Variants in SPAG6 observed in about 807,000 individuals in gnomAD.
SPAG6 encodes sperm-associated antigen 6.
Under a neutral mutation model 58.5 loss-of-function variants are expected in SPAG6, and 49 were observed. The observed-to-expected ratio is 0.84, with a 90% CI of 0.67 to 1.06. The LOEUF (loss-of-function observed/expected upper bound fraction) is 1.06, where lower values mean the gene tolerates loss of function less well. SPAG6 is among the 50% of genes least tolerant of loss of function. The probability of loss-of-function intolerance (pLI) is 0.00; values close to 1 mark genes in which losing one functional copy is unlikely to be tolerated. For synonymous variants in SPAG6, 233 were observed against 225.6 expected (o/e 1.03, Z -0.29); for missense variants, 560 against 611.3 (o/e 0.92, Z 0.89).
At chr10:22,364,765 A>T in intron 2 of SPAG6, 88 bp from the exon 3 acceptor site, 2 of 915,110 alleles carry the variant, frequency 2.2e-6, no homozygotes, top group Non-Finnish European at 3.2e-6. Flanking sequence ...TTTTCCCTTT[A>T]ATTTTACTGT....
rs756384728 is a variant in SPAG6, at chr10:22,401,266, C to T, written c.1303C>T (p.Gln435Ter). Residue 435 changes from glutamine (Q) to a stop codon, truncating the protein, a stop_gained, in exon 9 of 11, where the codon CAG (glutamine) becomes TAG (stop). Coordinates refer to ENST00000376624, the MANE Select transcript of SPAG6 (RefSeq NM_012443.4). LOFTEE classifies it high-confidence loss of function. ...CAATATTCTGAAACATGTGGTTGGACAGTTCAGTAAGGTAAGAAATGCCAG... is the reference window on the plus strand; with the variant it reads ...CAATATTCTGAAACATGTGGTTGGATAGTTCAGTAAGGTAAGAAATGCCAG... ...PPNILKHVVG[Q>*]FSKVLPHDSK... 6.6e-7 allele frequency: 1 copy of T among 1,522,008 alleles called. No individual in the cohort carries two copies. Among genetic ancestry groups the T allele is most frequent in the Non-Finnish European group, 9.1e-7 (1 of 1,096,590 alleles). The allele number at this position is 1,522,008 out of a possible 1,614,324, so 94.3% of individuals were successfully genotyped here.
At position 22,402,133 on chromosome 10, in the gene SPAG6, T is replaced by C. The variant is rs933584978; in HGVS notation, c.1314+856T>C. On this transcript the variant is annotated intron_variant, in intron 9 of 10. Transcript: ENST00000376624. ...GTAAATAATTAGAGTACTTATTTCA[T>C]AGGGTCATTGTAAAGAGTAAATGAG... 1.6e-4 allele frequency among the ~76,000 whole-genome samples: 25 copies of C among 152,304 alleles called. No homozygotes were observed. In the South Asian group the frequency reaches 4.1e-3, roughly 25 times the overall value.
At chr10:22,350,649 AACTAATT>A (rs772207080) in intron 2 of SPAG6, among the ~76,000 whole-genome samples, 199 of 152,300 alleles carry the variant, frequency 1.3e-3, no homozygotes, top group Middle Eastern at 3.4e-3. Flanking sequence ...TTATTTGACT[AACTAATT>A]TCTACTCAGT....
At chr10:22,346,442 CT>C (rs1836537609) in intron 2 of SPAG6, among the ~76,000 whole-genome samples, 1 of 132,304 alleles carries the variant, frequency 7.6e-6, no homozygotes, top group Non-Finnish European at 1.5e-5. Context: ...TCTTCTTCTT[CT>C]TCTTCTTCTT....
intron 4 of SPAG6, among the ~76,000 whole-genome samples, chr10:22,379,952 G>A (rs1833911174): frequency 6.6e-6 from 1 of 151,712 alleles, no homozygotes; most frequent in African/African-American, 2.4e-5. Flanking sequence ...GTGCCACCAT[G>A]TCCAGCTAAG....
chr10:22,367,948 G>A (rs564987249), intron 3 of SPAG6, among the ~76,000 whole-genome samples: 1 of 152,164 alleles, frequency 6.6e-6, no homozygotes, highest in South Asian at 2.1e-4. Flanking sequence ...TGAATGTTTT[G>A]CCTTTATGTT....
intron 2 of SPAG6, among the ~76,000 whole-genome samples, chr10:22,353,999 A>C (rs1836800009): frequency 1.3e-5 from 2 of 152,214 alleles, no homozygotes; most frequent in Non-Finnish European, 2.9e-5. Context: ...TAATAGGGCA[A>C]GGAGAGGAGA....
chr10:22,393,626 A>G (rs1024772155), intron 8 of SPAG6, among the ~76,000 whole-genome samples: 3 of 152,204 alleles, frequency 2.0e-5, no homozygotes, highest in Non-Finnish European at 4.4e-5. Context: ...CTTTCAGGAA[A>G]TACACTGAGT....
rs1003489428 is a variant in SPAG6, at chr10:22,364,852, G to T, written c.122-1G>T. ...TTCTGTTCTTTCATAATTTAACTCA[G>T]GTGTAATGTCTTTGCTGAGAACTCT... is the stretch of plus-strand genomic sequence containing the variant. On this transcript the variant is annotated splice_acceptor_variant, in intron 2 of 10. Transcript: ENST00000376624. LOFTEE classifies it high-confidence loss of function. 3 of 1,597,678 alleles carry T rather than the reference G, an allele frequency of 1.9e-6. No homozygotes were observed. Among genetic ancestry groups the T allele is most frequent in the African/African-American group, 2.7e-5 (2 of 73,952 alleles).
chr10:22,383,626 A>G (rs1336500346), intron 4 of SPAG6, among the ~76,000 whole-genome samples: 1 of 152,064 alleles, frequency 6.6e-6, no homozygotes, highest in Admixed American at 6.6e-5. Context: ...CAACAGAGCA[A>G]GACTCCATCT....
intron 4 of SPAG6, among the ~76,000 whole-genome samples, chr10:22,375,504 G>T (rs1833795487): frequency 6.6e-6 from 1 of 151,676 alleles, no homozygotes; most frequent in African/African-American, 2.4e-5. Flanking sequence ...TTGGAGCTTG[G>T]TTTGCTCTTA....
rs780728565 is a variant in SPAG6 at position 22,364,908 on chromosome 10, G to A, written c.177G>A (p.Gln59=). 1.9e-6 allele frequency: 3 copies of A among 1,613,550 alleles called. No homozygotes were observed. Among genetic ancestry groups the A allele is most frequent in the Admixed American group, 3.3e-5 (2 of 59,910 alleles). ...TGGACGTGGTCCCAACAATTCAACA[G>A]ACTGCTGCTTTGGCTCTTGGGAGAC... The part of the protein sequence containing the change: ...LLLDVVPTIQ[Q]TAALALGRLA... Residue 59 remains glutamine, a synonymous_variant, in exon 3 of 11, where the codon CAG becomes CAA. Coordinates refer to ENST00000376624, the MANE Select transcript of SPAG6 (RefSeq NM_012443.4).
At chr10:22,409,048 C>T (rs1398434473) in intron 9 of SPAG6, among the ~76,000 whole-genome samples, 1 of 152,202 alleles carries the variant, frequency 6.6e-6, no homozygotes, top group Non-Finnish European at 1.5e-5. Flanking sequence ...TGAGATGAAC[C>T]TGGTACCTCA....
chr10:22,410,232 A>G (rs539867817), intron 9 of SPAG6, among the ~76,000 whole-genome samples: 2 of 152,312 alleles, frequency 1.3e-5, no homozygotes, highest in South Asian at 4.1e-4. Flanking sequence ...TTTGTTAAAC[A>G]TTTGTTGAAC....
chr10:22,345,529 G>T lies in SPAG6; in HGVS notation c.-83G>T. Reference sequence around the variant, plus strand: ...GGCTCCCGTCGGAGGCCGAGTCGTCGCCACGATCGCCCCCTTGGTGGACTC... The same window carrying T: ...GGCTCCCGTCGGAGGCCGAGTCGTCTCCACGATCGCCCCCTTGGTGGACTC... On this transcript the variant is annotated 5_prime_UTR_variant, in exon 1 of 11. Coordinates refer to ENST00000376624, the MANE Select transcript of SPAG6 (RefSeq NM_012443.4). The surrounding 1 kb of genome is among the most constrained non-coding windows in gnomAD (Gnocchi z 6.3). 1 of 1,236,366 alleles carries T rather than the reference G, an allele frequency of 8.1e-7. No homozygotes were observed. The highest frequency in any genetic ancestry group is 1.1e-6 in the Non-Finnish European group (1 of 902,044). The allele number at this position is 1,236,366 out of a possible 1,614,324, so 76.6% of individuals were successfully genotyped here.
Position 22,416,648 on chromosome 10 carries a change from T to G in SPAG6, c.1490T>G (p.Leu497Arg). 2 of 1,609,600 alleles carry G rather than the reference T, an allele frequency of 1.2e-6. No individual in the cohort carries two copies. The highest frequency in any genetic ancestry group is 1.7e-6 in the Non-Finnish European group (2 of 1,176,186). ...RYYSPGYSDT[L>R]LQRVDSYQPL... ...TATTCCCCTGGATATTCAGATACACTTCTGCAGAGGGTGGACAGCTATCAA... is the reference window on the plus strand; with the variant it reads ...TATTCCCCTGGATATTCAGATACACGTCTGCAGAGGGTGGACAGCTATCAA... Residue 497 changes from leucine to arginine, a missense_variant, in exon 11 of 11, where the codon CTT (leucine) becomes CGT (arginine). Transcript: ENST00000376624.
chr10:22,385,303 G>A (rs576921204), intron 4 of SPAG6, among the ~76,000 whole-genome samples: 11 of 152,082 alleles, frequency 7.2e-5, no homozygotes, highest in African/African-American at 1.9e-4. Context: ...CATCCCAGAG[G>A]CTGTTTCTGA....
intron 2 of SPAG6, among the ~76,000 whole-genome samples, chr10:22,364,467 G>A (rs1011660373): frequency 1.3e-5 from 2 of 152,108 alleles, no homozygotes; most frequent in African/African-American, 2.4e-5. Context: ...CTTGAAGCGA[G>A]CCTTGAAATA....
At chr10:22,365,793 GC>G (rs1201062219) in intron 3 of SPAG6, among the ~76,000 whole-genome samples, 1 of 152,072 alleles carries the variant, frequency 6.6e-6, no homozygotes, top group East Asian at 1.9e-4. Flanking sequence ...TATAAAAATG[GC>G]CAAGAAGCAT....
Sources: allele counts gnomAD v4.1 joint callset (sites outside exome capture counted in the v4.1 genomes callset), GRCh38; gene constraint gnomAD v4.1.1; non-coding constraint Gnocchi (gnomAD v3.1); transcripts MANE v1.5; gene names NCBI Gene and HGNC (gene_info 2026-07-23, HGNC 2026-07-21).